Variants in RELN observed in about 807,000 individuals in gnomAD.
The protein encoded by RELN is reelin.
A neutral mutation model predicts 427.6 loss-of-function variants in RELN; 108 were observed. The ratio of observed to expected loss-of-function variants is 0.25; its 90% CI spans 0.22 to 0.30. The LOEUF (loss-of-function observed/expected upper bound fraction) is 0.30. RELN is among the 10% of genes least tolerant of loss of function. The probability of loss-of-function intolerance (pLI) is 1.00; values close to 1 mark genes in which losing one functional copy is unlikely to be tolerated. For missense variants in RELN, 3,715 were observed against 4,302.8 expected (o/e 0.86, Z 3.82); for synonymous variants, 1,524 against 1,513.4 (o/e 1.01, Z -0.16).
At chr7:103,707,164 G>A (rs536271096) in intron 8 of RELN, among the ~76,000 whole-genome samples, 24 of 151,984 alleles carry the variant, frequency 1.6e-4, no homozygotes, top group African/African-American at 5.3e-4. Flanking sequence ...ATTTATACCC[G>A]TTTTTTCCCT....
intron 10 of RELN, among the ~76,000 whole-genome samples, chr7:103,686,582 C>T (rs1833769185): frequency 6.6e-6 from 1 of 151,926 alleles, no homozygotes; most frequent in Non-Finnish European, 1.5e-5. Flanking sequence ...GCATTGTTGG[C>T]AGAGTCATAA....
At chr7:103,816,042 T>C (rs1273907475) in intron 3 of RELN, among the ~76,000 whole-genome samples, 1 of 152,208 alleles carries the variant, frequency 6.6e-6, no homozygotes, top group East Asian at 1.9e-4. Flanking sequence ...TTATCTTCAT[T>C]TTCTTAACGT....
chr7:103,817,816 G>C (rs262364), intron 3 of RELN, among the ~76,000 whole-genome samples: 5 of 150,822 alleles, frequency 3.3e-5, no homozygotes, highest in Non-Finnish European at 5.9e-5. Flanking sequence ...GTGGTGGTGC[G>C]TGCCTGTAGT....
rs370902223 is a variant in RELN, at chr7:103,640,521, A to C, written c.2069+22T>G. On this transcript the variant is annotated intron_variant, in intron 17 of 64. Transcript: ENST00000428762. This position sits in a 1 kb window ranked among gnomAD's most constrained non-coding sequence, Gnocchi z 4.1. Reference sequence around the variant, plus strand: ...TTACACATCAAAAAGGAGAAGCATAAGTGTTATTTTAAGATGCTTACTTGC... The same window carrying C: ...TTACACATCAAAAAGGAGAAGCATACGTGTTATTTTAAGATGCTTACTTGC... 1 of 1,610,540 alleles carries C rather than the reference A, an allele frequency of 6.2e-7. No homozygotes were observed.
intron 20 of RELN, among the ~76,000 whole-genome samples, chr7:103,614,863 C>A (rs2711841): frequency 0.019 from 2,819 of 152,248 alleles, 97 homozygotes; most frequent in African/African-American, 0.064. Flanking sequence ...CCATTCATAG[C>A]GTTAGTCTAC....
At chr7:103,507,408 T>C (rs1829251616) in intron 51 of RELN, among the ~76,000 whole-genome samples, 1 of 152,188 alleles carries the variant, frequency 6.6e-6, no homozygotes, top group African/African-American at 2.4e-5. Context: ...ACATGGAAAC[T>C]GAACAATCTG....
Position 103,565,369 on chromosome 7 carries a change from C to T in RELN, c.5119G>A (p.Gly1707Ser). The change falls in exon 34 of 65, where the codon GGC becomes AGC. Residue 1707 changes from glycine (G) to serine (S), a missense_variant. Physicochemically the swap from Gly to Ser is moderately conservative, Grantham distance 56 (BLOSUM62 0). Coordinates refer to ENST00000428762, the MANE Select transcript of RELN (RefSeq NM_005045.4). ...VTEECVPPTI[G>S]CLHYTESSIY... ...GAACTTTCCGTGTAATGCAGACAGC[C>T]AATGGTTGGAGGAACACACTCTTCG... 1 of 1,613,992 alleles carries T rather than the reference C, an allele frequency of 6.2e-7. No individual in the cohort carries two copies.
rs1484375739 is a variant in RELN at position 103,603,262 on chromosome 7, C to G, written c.3333+42G>C. The G allele has an allele frequency of 6.7e-7, 1 of 1,485,054 alleles. No individual in the cohort carries two copies. The highest frequency in any genetic ancestry group is 1.7e-5 in the Admixed American group (1 of 59,840). The allele number at this position is 1,485,054 out of a possible 1,614,324, so 92.0% of individuals were successfully genotyped here. On this transcript the variant is annotated intron_variant, in intron 24 of 64. Coordinates refer to ENST00000428762, the MANE Select transcript of RELN (RefSeq NM_005045.4). The surrounding 1 kb of genome is among the most constrained non-coding windows in gnomAD (Gnocchi z 4.3). Reference sequence around the variant, plus strand: ...TTGGAATTCAGAGTCTCATATTAAACTAGCCATTGCCCCGATGACTTATCC... The same window carrying G: ...TTGGAATTCAGAGTCTCATATTAAAGTAGCCATTGCCCCGATGACTTATCC...
chr7:103,797,228 G>A (rs906806183), intron 3 of RELN, among the ~76,000 whole-genome samples: 1 of 151,944 alleles, frequency 6.6e-6, no homozygotes, highest in Non-Finnish European at 1.5e-5. Flanking sequence ...TCAGCCTCCC[G>A]AGTAGCTGGG....
intron 11 of RELN, among the ~76,000 whole-genome samples, chr7:103,665,107 G>T (rs567598047): frequency 2.0e-5 from 3 of 152,000 alleles, no homozygotes; most frequent in Non-Finnish European, 4.4e-5. Context: ...ACCTGAAATT[G>T]ATTTGAGGTA....
chr7:103,705,993 C>T (rs565057676), intron 8 of RELN, among the ~76,000 whole-genome samples: 18 of 152,188 alleles, frequency 1.2e-4, no homozygotes, highest in Middle Eastern at 3.4e-3. Flanking sequence ...AATGCCTGAT[C>T]GTATTTGTTC....
chr7:103,675,131 G>T (rs1228502695), intron 11 of RELN, among the ~76,000 whole-genome samples: 1 of 152,138 alleles, frequency 6.6e-6, no homozygotes, highest in Non-Finnish European at 1.5e-5. Context: ...TGTATATTTA[G>T]AAAACCCCAC....
At chr7:103,837,294 A>G (rs552085820) in intron 2 of RELN, among the ~76,000 whole-genome samples, 12 of 152,312 alleles carry the variant, frequency 7.9e-5, no homozygotes, top group African/African-American at 2.4e-4. Context: ...GGCTCCCATC[A>G]GATTCTAGAG....
intron 10 of RELN, among the ~76,000 whole-genome samples, chr7:103,697,387 C>T (rs931001328): frequency 1.3e-5 from 2 of 152,082 alleles, no homozygotes; most frequent in Non-Finnish European, 2.9e-5. Context: ...TGTTCAGCCT[C>T]TACTTGGAGT....
At chr7:103,907,337 A>G (rs887301501) in intron 2 of RELN, among the ~76,000 whole-genome samples, 25 of 138,134 alleles carry the variant, frequency 1.8e-4, no homozygotes, top group African/African-American at 5.1e-4. Flanking sequence ...AACTGCTTGA[A>G]CCCAGGAGGT....
intron 58 of RELN, 60 bp downstream of exon 58, chr7:103,491,893 C>G: frequency 2.9e-6 from 3 of 1,031,732 alleles, no homozygotes; most frequent in Admixed American, 3.9e-5. Flanking sequence ...CACACACACA[C>G]ACAACGATTT....
At chr7:103,668,772 C>T (rs958754149) in intron 11 of RELN, among the ~76,000 whole-genome samples, 1 of 152,180 alleles carries the variant, frequency 6.6e-6, no homozygotes, top group African/African-American at 2.4e-5. Flanking sequence ...AAATTTCACA[C>T]TGGTTCATTG....
At chr7:103,495,097 A>G (rs1002274162) in intron 57 of RELN, among the ~76,000 whole-genome samples, 5 of 152,040 alleles carry the variant, frequency 3.3e-5, no homozygotes, top group Non-Finnish European at 2.9e-5. Flanking sequence ...GATTACATAT[A>G]TAAGATAGAA....
intron 22 of RELN, among the ~76,000 whole-genome samples, chr7:103,607,344 G>GA (rs756481518): frequency 9.2e-5 from 14 of 152,076 alleles, no homozygotes; most frequent in Non-Finnish European, 1.5e-4. Context: ...GTTTTATTGA[G>GA]AAAAAAAATT....
Sources: allele counts gnomAD v4.1 joint callset (sites outside exome capture counted in the v4.1 genomes callset), GRCh38; gene constraint gnomAD v4.1.1; non-coding constraint Gnocchi (gnomAD v3.1); transcripts MANE v1.5; gene names NCBI Gene and HGNC (gene_info 2026-07-23, HGNC 2026-07-21).